The following DNAJB6 variants were observed in gnomAD, a reference collection of about 807,000 sequenced individuals.
The protein encoded by DNAJB6 is dnaJ homolog subfamily B member 6.
In DNAJB6, 16 loss-of-function variants were observed where a neutral mutation model predicts 42.7. The ratio of observed to expected loss-of-function variants is 0.37; its 90% CI spans 0.25 to 0.57. The LOEUF is 0.57. Among genes scored for constraint, DNAJB6 ranks in the 20% least tolerant of loss-of-function variants. DNAJB6 has a pLI of 0.74. For synonymous variants in DNAJB6, 170 were observed against 163.5 expected (o/e 1.04, Z -0.30); for missense variants, 347 against 416.8 (o/e 0.83, Z 1.46).
chr7:157,374,380 C>T (rs1800367251), intron 5 of DNAJB6, among the ~76,000 whole-genome samples: 2 of 152,148 alleles, frequency 1.3e-5, no homozygotes, highest in South Asian at 4.1e-4. Flanking sequence ...CTGCCTTAGC[C>T]TCCCAAGTAG....
At chr7:157,344,622 T>G (rs916737280) in intron 1 of DNAJB6, among the ~76,000 whole-genome samples, 2 of 152,142 alleles carry the variant, frequency 1.3e-5, no homozygotes, top group African/African-American at 4.8e-5. Flanking sequence ...AAAAAAAAAT[T>G]TATTATTTTT....
intron 8 of DNAJB6, among the ~76,000 whole-genome samples, chr7:157,403,113 C>T (rs1050408760): frequency 2.0e-5 from 3 of 152,140 alleles, no homozygotes; most frequent in Non-Finnish European, 2.9e-5. Context: ...GACAGCTGGA[C>T]GTGGGGTCGG....
At chr7:157,411,015 T>C (rs557105310) in intron 9 of DNAJB6, 4 of 152,160 alleles carry the variant, frequency 2.6e-5, no homozygotes, top group Non-Finnish European at 4.4e-5. Context: ...CGCCTGTGGG[T>C]GGGCACGGCA....
At chr7:157,351,868 C>T (rs1584886243) in intron 1 of DNAJB6, among the ~76,000 whole-genome samples, 1 of 152,096 alleles carries the variant, frequency 6.6e-6, no homozygotes, top group Non-Finnish European at 1.5e-5. Context: ...TGGCACATGC[C>T]TGTAGTCCCA....
intron 8 of DNAJB6, among the ~76,000 whole-genome samples, chr7:157,408,120 G>A (rs1233598501): frequency 6.6e-6 from 1 of 152,148 alleles, no homozygotes; most frequent in Non-Finnish European, 1.5e-5. Flanking sequence ...ACCCCTCTCA[G>A]CTCAACAGTT....
In DNAJB6 at chr7:157,405,149, G is replaced by A. The variant is rs78831397; in HGVS notation, c.692-4646G>A. Among the ~76,000 whole-genome samples the A allele has an allele frequency of 2.3e-3, 348 of 152,338 alleles. 1 individual carries two copies. The highest frequency in any genetic ancestry group is 7.6e-3 in the African/African-American group (315 of 41,570). ...CTCCAGGTCCTCCCACATGTGGGACGCGGCGATGGCAGAGATAAGAAGGTG... is the reference window on the plus strand; with the variant it reads ...CTCCAGGTCCTCCCACATGTGGGACACGGCGATGGCAGAGATAAGAAGGTG... On this transcript the variant is annotated intron_variant, in intron 8 of 9. Coordinates refer to ENST00000262177, the MANE Select transcript of DNAJB6 (RefSeq NM_058246.4).
chr7:157,337,346 C>T (rs1321944877), intron 1 of DNAJB6, among the ~76,000 whole-genome samples: 7 of 144,468 alleles, frequency 4.8e-5, no homozygotes, highest in South Asian at 2.3e-4. Context: ...GGTCTGGGGC[C>T]GGGGCCGGGG....
chr7:157,402,794 G>C (rs1795583207), intron 8 of DNAJB6, among the ~76,000 whole-genome samples: 1 of 152,240 alleles, frequency 6.6e-6, no homozygotes, highest in South Asian at 2.1e-4. Context: ...CACTTTTCCA[G>C]GGCAGGGTAA....
intron 3 of DNAJB6, among the ~76,000 whole-genome samples, chr7:157,365,150 T>C (rs1799781817): frequency 1.3e-5 from 2 of 152,204 alleles, no homozygotes; most frequent in Admixed American, 6.5e-5. Context: ...GGTGGGATTT[T>C]GCCGTGTTGC....
chr7:157,337,653 C>A (rs1263200241), intron 1 of DNAJB6: 3 of 152,300 alleles, frequency 2.0e-5, no homozygotes, highest in Non-Finnish European at 2.9e-5. Flanking sequence ...AGCCCTGTTT[C>A]TAGAACTCCG....
At chr7:157,368,196 A>G (rs906535810) in intron 5 of DNAJB6, among the ~76,000 whole-genome samples, 4 of 152,244 alleles carry the variant, frequency 2.6e-5, no homozygotes, top group Non-Finnish European at 1.5e-5. Flanking sequence ...GAAAAATTAA[A>G]ATAATAAAGG....
Position 157,357,290 on chromosome 7 carries a change from CCTT to C in DNAJB6, c.-26-1255_-26-1253del, listed in dbSNP as rs1799349735. On this transcript the variant is annotated intron_variant, in intron 1 of 9. Coordinates refer to ENST00000262177, the MANE Select transcript of DNAJB6 (RefSeq NM_058246.4). ...TCCTTCCTTCCGTCCTTCCTTCCGT[CCTT>C]CCTTCCTTCCTTCCTTCCTTCCTTC... is the stretch of plus-strand genomic sequence containing the variant. 2.0e-4 allele frequency among the ~76,000 whole-genome samples: 11 copies of C among 54,336 alleles called. 1 individual carries two copies. The East Asian group carries it at 2.4e-3, about 12-fold the overall frequency. The allele number at this position is 54,336 out of a possible 152,430, so 35.6% of individuals were successfully genotyped here.
chr7:157,351,661 C>A (rs28603295), intron 1 of DNAJB6, among the ~76,000 whole-genome samples: 2,253 of 36,378 alleles, frequency 0.062, 24 homozygotes, highest in Non-Finnish European at 0.091. Context: ...ACAACAACAA[C>A]AAAAAAAACC....
At chr7:157,392,484 G>C (rs1801395687) in intron 8 of DNAJB6, among the ~76,000 whole-genome samples, 1 of 148,890 alleles carries the variant, frequency 6.7e-6, no homozygotes, top group Non-Finnish European at 1.5e-5. Context: ...TTTTTATTTT[G>C]TAATCCTGTG....
rs538467964 is a variant in DNAJB6, at chr7:157,416,611, C to G, written c.*513C>G. 6.5e-6 allele frequency: 1 copy of G among 153,076 alleles called. No individual in the cohort carries two copies. Among genetic ancestry groups the G allele is most frequent in the African/African-American group, 2.4e-5 (1 of 41,488 alleles). The allele number at this position is 153,076 out of a possible 1,614,324, so 9.5% of individuals were successfully genotyped here. On this transcript the variant is annotated 3_prime_UTR_variant, in exon 10 of 10. Coordinates refer to ENST00000262177, the MANE Select transcript of DNAJB6 (RefSeq NM_058246.4). ...TTTTCCTCAGAGCAATCCGGCCACA[C>G]GAATAGAAGGCTGTCGTGAATCACA... is the stretch of plus-strand genomic sequence containing the variant.
intron 5 of DNAJB6, among the ~76,000 whole-genome samples, chr7:157,370,029 TAAC>T (rs1484664483): frequency 1.3e-5 from 2 of 148,422 alleles, no homozygotes; most frequent in African/African-American, 5.0e-5. Flanking sequence ...GGCCCTTTCT[TAAC>T]ATTATTATTA....
chr7:157,363,358 A>G (rs1584901541), intron 3 of DNAJB6, 88 bp downstream of exon 3: 1 of 803,198 alleles, frequency 1.2e-6, no homozygotes, highest in Admixed American at 2.6e-5. Flanking sequence ...GTAGCACAGT[A>G]TGGACTCAAG....
chr7:157,354,977 G>C (rs1001763667), intron 1 of DNAJB6, among the ~76,000 whole-genome samples: 1 of 152,190 alleles, frequency 6.6e-6, no homozygotes, highest in Non-Finnish European at 1.5e-5. Context: ...CCAAGTGGCT[G>C]TGTCAAGTAG....
At chr7:157,404,024 T>G (rs1795651817) in intron 8 of DNAJB6, among the ~76,000 whole-genome samples, 1 of 151,814 alleles carries the variant, frequency 6.6e-6, no homozygotes, top group Admixed American at 6.6e-5. Flanking sequence ...AGGAGTGCAG[T>G]GGTGCGATCA....
Sources: allele counts gnomAD v4.1 joint callset (sites outside exome capture counted in the v4.1 genomes callset), GRCh38; gene constraint gnomAD v4.1.1; transcripts MANE v1.5; gene names NCBI Gene and HGNC (gene_info 2026-07-23, HGNC 2026-07-21).